PLOD1: variants seen among roughly 807,000 people sequenced by gnomAD.
The protein encoded by PLOD1 is lysine hydroxylase.
A neutral mutation model predicts 94.7 loss-of-function variants in PLOD1; 70 were observed. That is an observed-to-expected ratio of 0.74 (90% confidence interval 0.61 to 0.90). The LOEUF is 0.90. Among genes scored for constraint, PLOD1 ranks in the 40% least tolerant of loss-of-function variants. The pLI, the probability that PLOD1 is intolerant of heterozygous loss-of-function variation, is 0.00. For missense variants in PLOD1, 905 were observed against 972.7 expected, an observed-to-expected ratio of 0.93 and a Z score of 0.93; for synonymous variants, 417 against 400.2, an observed-to-expected ratio of 1.04 and a Z score of -0.50.
chr1:11,971,350 A>G (rs1202455172), intron 17 of PLOD1, among the ~76,000 whole-genome samples: 1 of 148,818 alleles, frequency 6.7e-6, no homozygotes, highest in Admixed American at 6.9e-5. Flanking sequence ...AGAGGCCTGG[A>G]TATTTGGTCC....
At chr1:11,953,454 T>G (rs1160960944) in intron 5 of PLOD1, among the ~76,000 whole-genome samples, 1 of 152,128 alleles carries the variant, frequency 6.6e-6, no homozygotes, top group Non-Finnish European at 1.5e-5. Flanking sequence ...TTACTAGCTG[T>G]GTGACATTGG....
rs753283739 is a variant in PLOD1 at position 11,958,671 on chromosome 1, G to A, written c.975+24G>A. On this transcript the variant is annotated intron_variant, in intron 9 of 18. Transcript: ENST00000196061. This position sits in a 1 kb window ranked among gnomAD's most constrained non-coding sequence, Gnocchi z 4.3. ...ACGTGAGTAACAGGCGCTCTGTGGG[G>A]TCGTCATGTGGCTTAGATCCAGGGC... 25 of 1,613,654 alleles carry A rather than the reference G, an allele frequency of 1.5e-5. No homozygotes were observed. Among genetic ancestry groups the A allele is most frequent in the Non-Finnish European group, 2.1e-5 (25 of 1,179,978 alleles).
rs1645611151 is a variant in PLOD1 at position 11,940,971 on chromosome 1, TGGACAG to T, written c.76+6120_76+6125del. ...CTGGCATCTTAGGATGTTGGGCTCTTGGACAGGGAAATGAAGACAAGAGCATGGGCA... is the reference window on the plus strand; with the variant it reads ...CTGGCATCTTAGGATGTTGGGCTCTTGGAAATGAAGACAAGAGCATGGGCA... On this transcript the variant is annotated intron_variant, in intron 1 of 18. Transcript: ENST00000196061. Among the ~76,000 whole-genome samples the T allele has an allele frequency of 1.3e-5, 2 of 152,188 alleles. 1 individual carries two copies. Among genetic ancestry groups the T allele is most frequent in the South Asian group, 4.1e-4 (2 of 4,834 alleles).
At chr1:11,962,512 G>A (rs952359160) in intron 10 of PLOD1, among the ~76,000 whole-genome samples, 3 of 151,498 alleles carry the variant, frequency 2.0e-5, no homozygotes, top group Non-Finnish European at 2.9e-5. Context: ...TCCTGACCTC[G>A]TGATCCATCC....
At chr1:11,937,797 G>A (rs1645589899) in intron 1 of PLOD1, among the ~76,000 whole-genome samples, 1 of 152,124 alleles carries the variant, frequency 6.6e-6, no homozygotes, top group African/African-American at 2.4e-5. Context: ...CACCTGGTAG[G>A]TAGAAAGCAC....
chr1:11,971,567 C>T (rs1270100707), intron 17 of PLOD1: 5 of 153,342 alleles, frequency 3.3e-5, no homozygotes, highest in African/African-American at 9.7e-5. Context: ...AGGGTTTCAC[C>T]ATGTTGGCCA....
intron 1 of PLOD1, among the ~76,000 whole-genome samples, chr1:11,943,005 G>T (rs1382466152): frequency 6.6e-6 from 1 of 151,636 alleles, no homozygotes; most frequent in Non-Finnish European, 1.5e-5. Context: ...TTTTGTTTTT[G>T]AGATGGAGAC....
intron 6 of PLOD1, 36 bp from the exon 7 acceptor site, chr1:11,956,881 C>G (rs1645741519): frequency 7.0e-7 from 1 of 1,436,448 alleles, no homozygotes; most frequent in Non-Finnish European, 9.8e-7. Flanking sequence ...ACCTCTGGGT[C>G]TGATGCTGGG....
At chr1:11,944,752 G>A in intron 1 of PLOD1, 1 of 990,480 alleles carries the variant, frequency 1.0e-6, no homozygotes, top group South Asian at 1.6e-5. Flanking sequence ...TCCCTGCTGG[G>A]CCGCCTGGCG....
chr1:11,950,244 G>A (rs570696881), intron 3 of PLOD1, 113 bp from the exon 4 acceptor site: 23 of 1,042,814 alleles, frequency 2.2e-5, no homozygotes, highest in Non-Finnish European at 2.8e-5. Context: ...CCAGGCTGGC[G>A]TGGGCAGAGG....
intron 10 of PLOD1, 88 bp downstream of exon 10, chr1:11,960,855 G>A (rs1422146286): frequency 1.9e-6 from 3 of 1,584,632 alleles, no homozygotes; most frequent in East Asian, 2.2e-5. Flanking sequence ...AGTGACAGGA[G>A]TTCAGAAGGC....
At chr1:11,965,378 T>G (rs1569724233) in intron 13 of PLOD1, 102 bp from the exon 14 acceptor site, 27 of 693,862 alleles carry the variant, frequency 3.9e-5, no homozygotes, top group Middle Eastern at 3.5e-4. Context: ...GTTCGGCGGG[T>G]GGAGGAGGCT....
intron 4 of PLOD1, 40 bp downstream of exon 4, chr1:11,950,560 G>A (rs763291564): frequency 1.9e-6 from 3 of 1,600,050 alleles, no homozygotes; most frequent in East Asian, 2.2e-5. Context: ...CCAGCAGAGG[G>A]GTCCATCTAC....
intron 16 of PLOD1, 92 bp from the exon 17 acceptor site, chr1:11,970,578 C>T (rs1015830001): frequency 1.5e-5 from 18 of 1,178,920 alleles, no homozygotes; most frequent in Middle Eastern, 3.8e-4. Context: ...TAATGTGGTC[C>T]GGTCACATTC....
chr1:11,968,159 G>A (rs1388645738), intron 16 of PLOD1, among the ~76,000 whole-genome samples: 1 of 151,940 alleles, frequency 6.6e-6, no homozygotes, highest in African/African-American at 2.4e-5. Context: ...TCACCATGTT[G>A]GCCAGGCTGG....
chr1:11,975,216 C>G lies in PLOD1; in HGVS notation c.*408C>G, dbSNP rs551103869. On this transcript the variant is annotated 3_prime_UTR_variant, in exon 19 of 19. Transcript: ENST00000196061. ...AGCCATGGCCAGAGCTTCTCCCAGG[C>G]ACAGGTGTTGCACCAGGGACTTCTG... 150 of 307,684 alleles carry G rather than the reference C, an allele frequency of 4.9e-4. No homozygotes were observed. The highest frequency in any genetic ancestry group is 4.5e-3 in the South Asian group (147 of 32,372). 19.1% of individuals were successfully genotyped at this position (307,684 alleles called of 1,614,324 possible). A position where few individuals can be genotyped will look rare whatever the true frequency, so the allele number is the denominator to read the frequency against.
intron 1 of PLOD1, among the ~76,000 whole-genome samples, chr1:11,943,036 G>C (rs924781112): frequency 1.3e-5 from 2 of 152,194 alleles, no homozygotes; most frequent in African/African-American, 4.8e-5. Context: ...ACCCAGGCTA[G>C]AGTGCAGTGG....
rs1459932608 is a variant in PLOD1, at chr1:11,958,179, C to T, written c.843+236C>T. ...CAGGTTCTGGTTTCTTCTGCCTGGT[C>T]CTTCAGGCTCTCCTGCAGCCCCCTC... On this transcript the variant is annotated intron_variant, in intron 8 of 18. Transcript: ENST00000196061. The surrounding 1 kb of genome is among the most constrained non-coding windows in gnomAD (Gnocchi z 4.3). Among the ~76,000 whole-genome samples, 1 of 152,072 alleles carries T rather than the reference C, an allele frequency of 6.6e-6. No homozygotes were observed. The highest frequency in any genetic ancestry group is 1.9e-4 in the East Asian group (1 of 5,186).
intron 11 of PLOD1, 44 bp from the exon 12 acceptor site, chr1:11,964,131 C>T (rs1431628412): frequency 6.2e-7 from 1 of 1,607,826 alleles, no homozygotes; most frequent in African/African-American, 1.3e-5. Flanking sequence ...GTCTCCTACT[C>T]CCAGTGGGCA....
Sources: allele counts gnomAD v4.1 joint callset (sites outside exome capture counted in the v4.1 genomes callset), GRCh38; gene constraint gnomAD v4.1.1; non-coding constraint Gnocchi (gnomAD v3.1); transcripts MANE v1.5; gene names NCBI Gene and HGNC (gene_info 2026-07-23, HGNC 2026-07-21).